HEATR5B: variants seen among roughly 807,000 people sequenced by gnomAD.
HEATR5B encodes the protein HEAT repeat containing 5B, also known as HEAT repeat-containing protein 5B.
In HEATR5B, 156 loss-of-function variants were observed where a neutral mutation model predicts 224.1. That is an observed-to-expected ratio of 0.70 (90% CI 0.61 to 0.80). The LOEUF is 0.80. Among genes scored for constraint, HEATR5B ranks in the 30% least tolerant of loss-of-function variants. HEATR5B has a pLI of 0.00. For missense variants in HEATR5B, 2,323 were observed against 2,535.5 expected, an observed-to-expected ratio of 0.92 and a Z score of 1.80; for synonymous variants, 1,027 against 893.0, an observed-to-expected ratio of 1.15 and a Z score of -2.68.
At chr2:37,065,060 T>TA (rs1671508077) in intron 9 of HEATR5B, 70 bp from the exon 10 acceptor site, 3 of 1,439,190 alleles carry the variant, frequency 2.1e-6, no homozygotes, top group Non-Finnish European at 1.9e-6. Flanking sequence ...AAATACTATC[T>TA]AAAAAACAAT....
chr2:37,072,979 CA>C (rs1427040205), intron 5 of HEATR5B, among the ~76,000 whole-genome samples: 2 of 152,046 alleles, frequency 1.3e-5, no homozygotes, highest in Admixed American at 6.6e-5. Flanking sequence ...ATCTTTCCCT[CA>C]AAAAAACTCT....
At position 37,003,683 on chromosome 2, in the gene HEATR5B, T is replaced by C. The variant is rs913162420; in HGVS notation, c.4909A>G (p.Ile1637Val). ...ARVHIAEDQL[I>V]GVELLSVLHR... ...AAAACACTCAGCAACTCAACACCTATCAGCTAATACAAATAAATACAAATA... is the reference window on the plus strand; with the variant it reads ...AAAACACTCAGCAACTCAACACCTACCAGCTAATACAAATAAATACAAATA... The change falls in exon 31 of 36, where the codon ATA becomes GTA. Residue 1637 changes from isoleucine (I) to valine (V), a missense_variant. This residue lies in a region of HEATR5B where 844 missense variants were observed against 812.9 expected (regional missense o/e 1.04). Coordinates refer to ENST00000233099, the MANE Select transcript of HEATR5B (RefSeq NM_019024.3). The C allele has an allele frequency of 1.9e-5, 30 of 1,596,956 alleles. No homozygotes were observed. The highest frequency in any genetic ancestry group is 2.5e-5 in the Non-Finnish European group (29 of 1,171,368).
chr2:37,038,099 T>C (rs1022789162), intron 20 of HEATR5B, 75 bp from the exon 21 acceptor site: 17 of 1,001,982 alleles, frequency 1.7e-5, no homozygotes, highest in Middle Eastern at 3.2e-4. Flanking sequence ...AGTAAACAAT[T>C]ATCCTCTAAA....
chr2:37,072,675 C>A (rs1293252453), intron 5 of HEATR5B, among the ~76,000 whole-genome samples: 2 of 151,222 alleles, frequency 1.3e-5, no homozygotes, highest in African/African-American at 2.4e-5. Flanking sequence ...AGGAAACTAA[C>A]AAAGAATAGA....
intron 9 of HEATR5B, among the ~76,000 whole-genome samples, chr2:37,065,199 G>T (rs1671516937): frequency 6.6e-6 from 1 of 152,022 alleles, no homozygotes; most frequent in Non-Finnish European, 1.5e-5. Flanking sequence ...CAATATTGAT[G>T]TAAAATTTAA....
chr2:37,016,380 G>A (rs1003703276), intron 26 of HEATR5B, among the ~76,000 whole-genome samples: 2 of 151,982 alleles, frequency 1.3e-5, no homozygotes, highest in Non-Finnish European at 2.9e-5. Flanking sequence ...CAAAGTGCTG[G>A]CATTACAGGC....
At chr2:37,065,382 C>T (rs1246857901) in intron 9 of HEATR5B, among the ~76,000 whole-genome samples, 5 of 150,912 alleles carry the variant, frequency 3.3e-5, no homozygotes, top group African/African-American at 7.3e-5. Context: ...GGCATGATTT[C>T]GGCTCACTGC....
chr2:37,032,653 C>T lies in HEATR5B; in HGVS notation c.3337G>A (p.Gly1113Arg), dbSNP rs1276213935. The stretch of plus-strand genomic sequence containing the variant: ...CTGGCACTACTGCTCTCTTTGTCCC[C>T]TGTATTTTTTGCCAGGCTCATGGCA... ...EYAMSLAKNT[G>R]DKESSSANVS... Residue 1113 changes from glycine to arginine, a missense_variant, in exon 22 of 36, where the codon GGG becomes AGG. Around this residue, in one of 12 missense-constraint regions of HEATR5B, gnomAD observed 339 missense variants for 378.4 expected, o/e 0.90. Coordinates refer to ENST00000233099, the MANE Select transcript of HEATR5B (RefSeq NM_019024.3). 3 of 1,613,682 alleles carry T rather than the reference C, an allele frequency of 1.9e-6. No homozygotes were observed. The African/African-American group carries it at 4.0e-5, about 22-fold the overall frequency.
At chr2:36,982,703 C>T (rs1315974404) in intron 35 of HEATR5B, among the ~76,000 whole-genome samples, 3 of 152,056 alleles carry the variant, frequency 2.0e-5, no homozygotes, top group Non-Finnish European at 2.9e-5. Context: ...CACCCTGGAC[C>T]TTACTCCCTA....
chr2:37,073,846 T>C (rs1215989515), intron 5 of HEATR5B, among the ~76,000 whole-genome samples: 7 of 152,228 alleles, frequency 4.6e-5, no homozygotes, highest in Non-Finnish European at 1.0e-4. Context: ...TAACAGCACC[T>C]GATTTCAACA....
At chr2:37,026,919 CTCCT>C (rs1361986225) in intron 24 of HEATR5B, among the ~76,000 whole-genome samples, 3 of 152,146 alleles carry the variant, frequency 2.0e-5, no homozygotes, top group Non-Finnish European at 4.4e-5. Flanking sequence ...CTGACTCAGC[CTCCT>C]GAGTAGCTGG....
intron 33 of HEATR5B, among the ~76,000 whole-genome samples, chr2:36,992,113 G>C (rs1666371427): frequency 6.6e-6 from 1 of 151,964 alleles, no homozygotes. Flanking sequence ...CTACAGAATT[G>C]CTTGGATCCG....
chr2:36,986,343 A>AT (rs1337035598), intron 35 of HEATR5B, among the ~76,000 whole-genome samples: 1 of 152,212 alleles, frequency 6.6e-6, no homozygotes, highest in Non-Finnish European at 1.5e-5. Flanking sequence ...CAACATAGTA[A>AT]TACTTGCTTC....
intron 2 of HEATR5B, among the ~76,000 whole-genome samples, chr2:37,080,168 G>T (rs1371702875): frequency 6.6e-6 from 1 of 152,126 alleles, no homozygotes; most frequent in Admixed American, 6.5e-5. Flanking sequence ...AGAGAAAGTA[G>T]TAAGAGATGA....
chr2:36,996,513 T>G (rs1239475184), intron 33 of HEATR5B, among the ~76,000 whole-genome samples: 1 of 150,810 alleles, frequency 6.6e-6, no homozygotes, highest in Non-Finnish European at 1.5e-5. Context: ...GCCTCCTGAG[T>G]TCAAGCAATC....
chr2:37,044,448 C>T (rs1022944364), intron 18 of HEATR5B, among the ~76,000 whole-genome samples: 6 of 152,184 alleles, frequency 3.9e-5, no homozygotes, highest in Non-Finnish European at 8.8e-5. Flanking sequence ...AAGTAGTTTG[C>T]TCTTTTTATA....
At chr2:37,003,997 A>C (rs922364733) in intron 30 of HEATR5B, among the ~76,000 whole-genome samples, 4 of 152,176 alleles carry the variant, frequency 2.6e-5, no homozygotes, top group African/African-American at 9.7e-5. Flanking sequence ...GTGCTGCTAA[A>C]ATTTATAATT....
chr2:37,030,481 G>T (rs902824389), intron 22 of HEATR5B, among the ~76,000 whole-genome samples: 2 of 152,132 alleles, frequency 1.3e-5, no homozygotes, highest in African/African-American at 4.8e-5. Context: ...TTCCTTAAAA[G>T]AAAATTAATT....
Position 37,027,895 on chromosome 2 carries a change from G to C in HEATR5B, c.3853+28C>G, listed in dbSNP as rs754111795. 5.0e-6 allele frequency: 8 copies of C among 1,605,132 alleles called. No individual in the cohort carries two copies. In the Admixed American group the frequency reaches 1.4e-4, roughly 27 times the overall value. ...ATGTCTCAAGGTGTAAAAATGCTTTGGGGAAAAAGTACTGATTTTAAATTT... is the reference window on the plus strand; with the variant it reads ...ATGTCTCAAGGTGTAAAAATGCTTTCGGGAAAAAGTACTGATTTTAAATTT... On this transcript the variant is annotated intron_variant, in intron 24 of 35. Transcript: ENST00000233099.
Sources: allele counts gnomAD v4.1 joint callset (sites outside exome capture counted in the v4.1 genomes callset), GRCh38; gene constraint gnomAD v4.1.1; regional missense constraint gnomAD v4.1.1; transcripts MANE v1.5; gene names NCBI Gene and HGNC (gene_info 2026-07-23, HGNC 2026-07-21).